The following ADGB variants were observed in gnomAD, a reference collection of about 807,000 sequenced individuals.
ADGB encodes calpain-7-like protein.
ADGB carries 172 observed loss-of-function variants against 210.5 expected under a neutral mutation model. The ratio of observed to expected loss-of-function variants is 0.82; its 90% CI spans 0.72 to 0.93. The LOEUF (loss-of-function observed/expected upper bound fraction) is 0.93, where lower values mean the gene tolerates loss of function less well. Among genes scored for constraint, ADGB ranks in the 40% least tolerant of loss-of-function variants. ADGB has a pLI of 0.00. For synonymous variants in ADGB, 658 were observed against 662.7 expected (o/e 0.99, Z 0.11); for missense variants, 2,025 against 1,964.8 (o/e 1.03, Z -0.58).
Position 146,654,203 on chromosome 6 carries a change from C to A in ADGB, c.399C>A (p.Ser133Arg). 3 of 1,541,216 alleles carry A rather than the reference C, an allele frequency of 1.9e-6. No homozygotes were observed. Among genetic ancestry groups the A allele is most frequent in the Non-Finnish European group, 2.6e-6 (3 of 1,139,662 alleles). ...CAGCAAATGAACATTTACTCTGCAG[C>A]GAGGTATGTACAGAAATATGAACTA... is the stretch of plus-strand genomic sequence containing the variant. ...LFSANEHLLC[S>R]ELMRWIISEI... is the part of the protein sequence containing the mutation. The change falls in exon 4 of 36, where the codon AGC becomes AGA. Residue 133 changes from serine to arginine, a missense_variant. Transcript: ENST00000397944.
At chr6:146,654,775 T>G (rs1296374331) in intron 4 of ADGB, among the ~76,000 whole-genome samples, 1 of 152,134 alleles carries the variant, frequency 6.6e-6, no homozygotes, top group Non-Finnish European at 1.5e-5. Flanking sequence ...CAGTTAATAT[T>G]GTGTATTATT....
intron 20 of ADGB, among the ~76,000 whole-genome samples, chr6:146,732,496 C>T (rs4896886): frequency 0.19 from 29,297 of 151,694 alleles, 2,995 homozygotes; most frequent in East Asian, 0.41. Context: ...TTACTCCTCA[C>T]GGGCTCAATG....
chr6:146,739,100 A>G (rs900156165), intron 23 of ADGB, among the ~76,000 whole-genome samples: 47 of 152,100 alleles, frequency 3.1e-4, no homozygotes, highest in African/African-American at 1.1e-3. Flanking sequence ...GTTTAAGGGG[A>G]ACAGTGACAG....
At chr6:146,619,696 C>T (rs879046427) in intron 1 of ADGB, among the ~76,000 whole-genome samples, 3 of 151,994 alleles carry the variant, frequency 2.0e-5, no homozygotes, top group Admixed American at 2.0e-4. Flanking sequence ...AACATTGTGA[C>T]TTTTTGGTAT....
intron 3 of ADGB, among the ~76,000 whole-genome samples, chr6:146,647,336 G>A (rs891731223): frequency 5.3e-5 from 8 of 151,638 alleles, no homozygotes; most frequent in Admixed American, 1.3e-4. Context: ...TTTTAAAGCC[G>A]GTTGCCCAAA....
In ADGB at chr6:146,752,572, G is replaced by A; in HGVS notation, c.3408G>A (p.Gln1136=). The part of the protein sequence containing the change: ...KVLTPQPATI[Q]VRTSKPDAFI... ...TAACACCACAACCTGCTACAATACA[G>A]GTACGCACATCCAAACCAGATGCAT... Residue 1136 remains glutamine (Q), a synonymous_variant, in exon 27 of 36, where the codon CAG becomes CAA. Transcript: ENST00000397944. The A allele has an allele frequency of 1.9e-6, 3 of 1,550,286 alleles. No homozygotes were observed. The highest frequency in any genetic ancestry group is 2.6e-6 in the Non-Finnish European group (3 of 1,146,224).
At position 146,672,302 on chromosome 6, in the gene ADGB, A is replaced by C. The variant is rs1411219615; in HGVS notation, c.922A>C (p.Ser308Arg). ...FKLSDEASSE[S>R]KIAVLDSKLK... is the part of the protein sequence containing the mutation. ...GCTGTCAGATGAGGCCAGCTCTGAA[A>C]GCAAAATAGCAGTGTTAGATTCTAA... The change falls in exon 8 of 36, where the codon AGC becomes CGC. Residue 308 changes from serine to arginine, a missense_variant. Ser to Arg is a moderately radical substitution (Grantham distance 110). Transcript: ENST00000397944. 1 of 1,551,334 alleles carries C rather than the reference A, an allele frequency of 6.4e-7. No individual in the cohort carries two copies. Among genetic ancestry groups the C allele is most frequent in the Admixed American group, 2.0e-5 (1 of 50,964 alleles).
chr6:146,737,709 G>T (rs929547781), intron 23 of ADGB, among the ~76,000 whole-genome samples: 4 of 152,102 alleles, frequency 2.6e-5, no homozygotes, highest in Admixed American at 2.6e-4. Flanking sequence ...GAGATCTCTA[G>T]GTCAGATCCT....
intron 25 of ADGB, among the ~76,000 whole-genome samples, chr6:146,743,868 C>T (rs1562289977): frequency 6.6e-6 from 1 of 152,152 alleles, no homozygotes; most frequent in Non-Finnish European, 1.5e-5. Flanking sequence ...GAGCCGTGAT[C>T]ACGCCACTGC....
In ADGB at chr6:146,802,016, G is replaced by A; in HGVS notation, c.4818+5G>A. ...GATATGTATAAGGAAATGCAGGTGAGTCTAAAAGCACATACATAGATTATA... is the reference window on the plus strand; with the variant it reads ...GATATGTATAAGGAAATGCAGGTGAATCTAAAAGCACATACATAGATTATA... On this transcript the variant is annotated splice_donor_5th_base_variant and intron_variant, in intron 35 of 35. Transcript: ENST00000397944. The A allele has an allele frequency of 6.6e-7, 1 of 1,520,030 alleles. No individual in the cohort carries two copies. The highest frequency in any genetic ancestry group is 8.8e-7 in the Non-Finnish European group (1 of 1,134,972). The allele number at this position is 1,520,030 out of a possible 1,614,324, so 94.2% of individuals were successfully genotyped here.
At chr6:146,650,597 C>CAAAAAAAAAAAA (rs57913607) in intron 3 of ADGB, among the ~76,000 whole-genome samples, 2 of 36,560 alleles carry the variant, frequency 5.5e-5, no homozygotes, top group African/African-American at 2.7e-4. Context: ...TCCCTCCCAC[C>CAAAAAAAAAAAA]AAAAAAAAAA....
chr6:146,762,149 A>AT (rs34114234), intron 27 of ADGB, among the ~76,000 whole-genome samples: 46,379 of 150,560 alleles, frequency 0.31, 8,320 homozygotes, highest in African/African-American at 0.5. Flanking sequence ...GGGTGGACAT[A>AT]TTTTTTTGGG....
chr6:146,657,351 A>T (rs1583577596), intron 5 of ADGB, among the ~76,000 whole-genome samples: 2 of 151,710 alleles, frequency 1.3e-5, no homozygotes, highest in South Asian at 4.2e-4. Context: ...AGAAAGAGAG[A>T]GAAGGAAGGA....
intron 7 of ADGB, among the ~76,000 whole-genome samples, chr6:146,671,720 G>A (rs943609184): frequency 3.9e-5 from 6 of 152,138 alleles, no homozygotes; most frequent in Non-Finnish European, 8.8e-5. Flanking sequence ...AAGAAAGGGA[G>A]TGTTCAAAGG....
At chr6:146,638,459 A>C (rs1775456451) in intron 2 of ADGB, among the ~76,000 whole-genome samples, 1 of 151,518 alleles carries the variant, frequency 6.6e-6, no homozygotes, top group Non-Finnish European at 1.5e-5. Flanking sequence ...TTGTAGGGAC[A>C]TGGATGAAGC....
At chr6:146,776,815 T>G (rs1006454364) in intron 29 of ADGB, among the ~76,000 whole-genome samples, 1 of 152,076 alleles carries the variant, frequency 6.6e-6, no homozygotes, top group Non-Finnish European at 1.5e-5. Flanking sequence ...CTATATTGAT[T>G]ATTTTAAGCT....
chr6:146,728,844 T>G (rs1776937953), intron 20 of ADGB, 103 bp downstream of exon 20: 1 of 968,792 alleles, frequency 1.0e-6, no homozygotes, highest in Non-Finnish European at 1.4e-6. Flanking sequence ...AGAAAATATT[T>G]TGGATGGAGA....
At position 146,815,098 on chromosome 6, in the gene ADGB, G is replaced by A. The variant is rs562152793; in HGVS notation, c.4885G>A (p.Glu1629Lys). The change falls in exon 36 of 36, where the codon GAA (glutamate) becomes AAA (lysine). Residue 1629 changes from glutamate (E) to lysine (K), a missense_variant. Coordinates refer to ENST00000397944, the MANE Select transcript of ADGB (RefSeq NM_024694.4). ...IREEYRNKLL[E>K]AEHLKLETLA... ...GGAAGAGTACAGAAACAAATTGCTG[G>A]AAGCTGAGCACCTAAAGCTGGAAAC... 16 of 1,548,680 alleles carry A rather than the reference G, an allele frequency of 1.0e-5. No individual in the cohort carries two copies. The highest frequency in any genetic ancestry group is 1.4e-5 in the Non-Finnish European group (16 of 1,146,312).
At chr6:146,703,046 C>A (rs1047433575) in intron 13 of ADGB, among the ~76,000 whole-genome samples, 1 of 151,762 alleles carries the variant, frequency 6.6e-6, no homozygotes, top group African/African-American at 2.4e-5. Context: ...TGTGACTGAA[C>A]AGCTTTGTAT....
Sources: gnomAD v4.1 joint callset for allele counts (sites outside exome capture counted in the v4.1 genomes callset) on GRCh38, gnomAD v4.1.1 for gene constraint, MANE v1.5 for transcripts, NCBI Gene and HGNC (gene_info 2026-07-23, HGNC 2026-07-21) for gene names.